Variants in BRCC3 observed in about 807,000 individuals in gnomAD.
BRCC3 encodes BRCA1/BRCA2-containing complex subunit 3, also known as lys-63-specific deubiquitinase BRCC36.
Under a neutral mutation model 28.0 loss-of-function variants are expected in BRCC3, and 15 were observed. That is an observed-to-expected ratio of 0.54 (90% CI 0.36 to 0.82). BRCC3 has a LOEUF of 0.82. BRCC3 is among the 40% of genes least tolerant of loss of function. The pLI, the probability that BRCC3 is intolerant of heterozygous loss-of-function variation, is 0.01. For synonymous variants in BRCC3, 66 were observed against 80.3 expected (o/e 0.82, Z 0.95); for missense variants, 109 against 225.9 (o/e 0.48, Z 3.32).
chrX:155,097,768 T>C (rs1199118490), intron 7 of BRCC3, among the ~76,000 whole-genome samples: 2 of 112,203 alleles, frequency 1.8e-5, no homozygotes, highest in African/African-American at 6.5e-5. Flanking sequence ...TTTTGGTATA[T>C]ACCCAAATGA....
chrX:155,075,330 CACTCCCCT>C (rs2074029659), intron 3 of BRCC3, among the ~76,000 whole-genome samples: 1 of 111,164 alleles, frequency 9.0e-6, no homozygotes, highest in African/African-American at 3.3e-5. Flanking sequence ...TAAATGTGGC[CACTCCCCT>C]TGATTCAGGC....
chrX:155,084,403 C>A (rs1295292219), intron 5 of BRCC3, among the ~76,000 whole-genome samples: 1 of 111,024 alleles, frequency 9.0e-6, no homozygotes, highest in Non-Finnish European at 1.9e-5. Context: ...GGCTCTGTCG[C>A]CCAGGCTGGA....
chrX:155,109,938 C>T (rs2074309958), intron 7 of BRCC3, among the ~76,000 whole-genome samples: 1 of 111,287 alleles, frequency 9.0e-6, no homozygotes. Context: ...GTATTCTAAG[C>T]CTCTTTTTTA....
intron 5 of BRCC3, among the ~76,000 whole-genome samples, chrX:155,080,628 T>C (rs1311060386): frequency 1.8e-5 from 2 of 112,515 alleles, no homozygotes; most frequent in East Asian, 5.6e-4. Context: ...ATAAGGGCTA[T>C]GTGTAAAGAA....
At chrX:155,103,823 G>C (rs2074261274) in intron 7 of BRCC3, among the ~76,000 whole-genome samples, 1 of 108,578 alleles carries the variant, frequency 9.2e-6, no homozygotes, top group East Asian at 2.9e-4. Flanking sequence ...CTGATGCTCT[G>C]TTCATTGTTT....
chrX:155,075,856 C>G (rs912091105), intron 3 of BRCC3, among the ~76,000 whole-genome samples: 1 of 111,787 alleles, frequency 8.9e-6, no homozygotes, highest in African/African-American at 3.3e-5. Flanking sequence ...GCCATTTCAC[C>G]TCAAGCTCTG....
chrX:155,071,757 A>T (rs1327185441), intron 1 of BRCC3, 107 bp downstream of exon 1: 5 of 919,877 alleles, frequency 5.4e-6, no homozygotes, highest in Admixed American at 6.0e-5. Flanking sequence ...GGCATCCTCG[A>T]TTTAGGTCCT....
At position 155,120,133 on chromosome X, in the gene BRCC3, C is replaced by T; in HGVS notation, c.859C>T (p.Leu287Phe). ...AGAAAAGGAAGAGCTTATGCAAGAA[C>T]TTTCTTCTCTAGAATAAATCAGGAG... ...QQEKEELMQELSSLE is the reference protein window; with the variant it reads ...QQEKEELMQEFSSLE The change falls in exon 10 of 11, where the codon CTT becomes TTT. Residue 287 changes from leucine (L) to phenylalanine (F), a missense_variant. Transcript: ENST00000330045. 1 of 1,207,337 alleles carries T rather than the reference C, an allele frequency of 8.3e-7. No individual in the cohort carries two copies. The highest frequency in any genetic ancestry group is 1.7e-5 in the African/African-American group (1 of 57,637).
chrX:155,090,867 A>G (rs782086312), intron 7 of BRCC3, 28 bp downstream of exon 7: 215 of 1,034,414 alleles, frequency 2.1e-4, no homozygotes, highest in Non-Finnish European at 2.6e-4. Flanking sequence ...TTATGTGTGT[A>G]TTGGAGGGCT....
At chrX:155,099,185 GT>G (rs372745437) in intron 7 of BRCC3, 65,421 of 527,488 alleles carry the variant, frequency 0.12, 581 homozygotes, top group African/African-American at 0.22. Context: ...AATTAGAAAT[GT>G]TTTTTTTTTT....
At chrX:155,092,892 C>T (rs1053037909) in intron 7 of BRCC3, among the ~76,000 whole-genome samples, 1 of 111,284 alleles carries the variant, frequency 9.0e-6, no homozygotes, top group Non-Finnish European at 1.9e-5. Flanking sequence ...TTCAGCTAAA[C>T]TTTCTGAGTT....
chrX:155,083,276 C>G (rs1557294366), intron 5 of BRCC3, among the ~76,000 whole-genome samples: 1 of 112,407 alleles, frequency 8.9e-6, no homozygotes, highest in African/African-American at 3.2e-5. Context: ...GATCAGTATG[C>G]TCCTACTTTT....
intron 7 of BRCC3, among the ~76,000 whole-genome samples, chrX:155,099,653 G>C (rs112241898): frequency 2.7e-5 from 3 of 112,036 alleles, no homozygotes; most frequent in Non-Finnish European, 5.6e-5. Context: ...GCCACTGCCC[G>C]TTATGTATTA....
intron 4 of BRCC3, among the ~76,000 whole-genome samples, 198 bp from the exon 5 acceptor site, chrX:155,078,418 A>T (rs2074061966): frequency 8.9e-6 from 1 of 112,216 alleles, no homozygotes. Context: ...TATATATGGC[A>T]TTGGAAACCA....
rs2074391152 is a variant in BRCC3, at chrX:155,122,073, G to T, written c.*869G>T. 9.2e-6 allele frequency: 1 copy of T among 108,484 alleles called. No individual in the cohort carries two copies. The highest frequency in any genetic ancestry group is 4.1e-4 in the South Asian group (1 of 2,440). 8.9% of individuals were successfully genotyped at this position (108,484 alleles called of 1,213,427 possible). On this transcript the variant is annotated 3_prime_UTR_variant, in exon 11 of 11. Coordinates refer to ENST00000330045, the MANE Select transcript of BRCC3 (RefSeq NM_001018055.3). The stretch of plus-strand genomic sequence containing the variant: ...GCCCAGGAGTTTGAGGCTGCGGTGA[G>T]CTGTGATCACACCACCACACTCCAA...
At chrX:155,075,714 C>T (rs1014997059) in intron 3 of BRCC3, among the ~76,000 whole-genome samples, 1 of 112,381 alleles carries the variant, frequency 8.9e-6, no homozygotes, top group South Asian at 3.6e-4. Context: ...CTGCTTAGCC[C>T]AGTACTTCAT....
At chrX:155,105,230 C>G (rs1255515225) in intron 7 of BRCC3, among the ~76,000 whole-genome samples, 10 of 112,045 alleles carry the variant, frequency 8.9e-5, no homozygotes, top group Non-Finnish European at 1.3e-4. Flanking sequence ...TGTCTGTAAT[C>G]CCAGCACTTT....
chrX:155,096,951 C>A (rs1203945916), intron 7 of BRCC3, among the ~76,000 whole-genome samples: 1 of 111,852 alleles, frequency 8.9e-6, no homozygotes, highest in African/African-American at 3.3e-5. Context: ...ACAAGATACC[C>A]ACATGCGAAA....
chrX:155,073,472 G>T (rs1174246240), intron 3 of BRCC3, 41 bp downstream of exon 3: 2 of 1,153,931 alleles, frequency 1.7e-6, no homozygotes, highest in Middle Eastern at 5.4e-4. Flanking sequence ...ACTTGCAGTT[G>T]GGGAAAGATT....
Sources: gnomAD v4.1 joint callset for allele counts (sites outside exome capture counted in the v4.1 genomes callset) on GRCh38, gnomAD v4.1.1 for gene constraint, MANE v1.5 for transcripts, NCBI Gene and HGNC (gene_info 2026-07-23, HGNC 2026-07-21) for gene names.